Variants in KHDRBS2 observed in about 807,000 individuals in gnomAD.
KHDRBS2 encodes KH RNA binding domain containing, signal transduction associated 2, also known as KH domain-containing, RNA-binding, signal transduction-associated protein 2.
In KHDRBS2, 26 loss-of-function variants were observed where a neutral mutation model predicts 44.3. The observed-to-expected ratio is 0.59, with a 90% CI of 0.43 to 0.81. The LOEUF is 0.81. KHDRBS2 is among the 40% of genes least tolerant of loss of function. KHDRBS2 has a pLI of 0.00. For synonymous variants in KHDRBS2, 194 were observed against 151.1 expected (o/e 1.28, Z -2.08); for missense variants, 476 against 433.1 (o/e 1.10, Z -0.88).
At chr6:61,773,467 T>G (rs1224495491) in intron 6 of KHDRBS2, among the ~76,000 whole-genome samples, 1 of 152,194 alleles carries the variant, frequency 6.6e-6, no homozygotes, top group Non-Finnish European at 1.5e-5. Flanking sequence ...TTCATATCCT[T>G]TGCCCACTTT....
intron 7 of KHDRBS2, among the ~76,000 whole-genome samples, chr6:61,720,933 T>A (rs570609881): frequency 5.9e-5 from 9 of 151,278 alleles, no homozygotes; most frequent in Admixed American, 2.0e-4. Flanking sequence ...AAGTCTTTAA[T>A]CCATCTTGAA....
chr6:61,676,806 G>C (rs1765971867), downstream of KHDRBS2, among the ~76,000 whole-genome samples: 1 of 151,740 alleles, frequency 6.6e-6, no homozygotes, highest in African/African-American at 2.4e-5. Flanking sequence ...GTGACACAGT[G>C]TATAGAACCC....
intron 6 of KHDRBS2, among the ~76,000 whole-genome samples, chr6:61,830,993 T>C (rs1791705141): frequency 6.6e-6 from 1 of 152,164 alleles, no homozygotes; most frequent in South Asian, 2.1e-4. Context: ...TCAGGTATAT[T>C]AAGATATAAA....
At chr6:61,773,990 T>C (rs1781484268) in intron 6 of KHDRBS2, among the ~76,000 whole-genome samples, 1 of 152,188 alleles carries the variant, frequency 6.6e-6, no homozygotes, top group Admixed American at 6.5e-5. Context: ...TCTGTTCTGT[T>C]CCATTGATCT....
the KHDRBS2 span, among the ~76,000 whole-genome samples, chr6:61,598,837 C>CTTTTTTT: frequency 4.6e-4 from 30 of 65,498 alleles, no homozygotes; most frequent in Non-Finnish European, 8.9e-4. Flanking sequence ...TTTTTCTTTT[C>CTTTTTTT]TTTTTTTTTT....
At chr6:62,092,118 G>GTTT (rs904715831) in intron 2 of KHDRBS2, among the ~76,000 whole-genome samples, 1 of 146,110 alleles carries the variant, frequency 6.8e-6, no homozygotes. Context: ...GATGTCTCCA[G>GTTT]TTTTTTTTTT....
chr6:61,619,950 A>G, the KHDRBS2 span, among the ~76,000 whole-genome samples: 1 of 152,198 alleles, frequency 6.6e-6, no homozygotes, highest in Non-Finnish European at 1.5e-5. Flanking sequence ...GTTATTATGC[A>G]TTAAGACCTT....
At chr6:62,045,468 C>T (rs1162111441) in intron 3 of KHDRBS2, among the ~76,000 whole-genome samples, 1 of 151,946 alleles carries the variant, frequency 6.6e-6, no homozygotes, top group East Asian at 1.9e-4. Flanking sequence ...ACCTCTTTTC[C>T]CTGCTTCTGT....
intron 4 of KHDRBS2, among the ~76,000 whole-genome samples, chr6:61,953,184 G>A (rs1765130141): frequency 6.6e-6 from 1 of 151,802 alleles, no homozygotes; most frequent in South Asian, 2.1e-4. Flanking sequence ...TAGGTAACTG[G>A]AGATTTATAA....
At chr6:62,082,647 G>A (rs1306695723) in intron 2 of KHDRBS2, among the ~76,000 whole-genome samples, 1 of 152,136 alleles carries the variant, frequency 6.6e-6, no homozygotes, top group African/African-American at 2.4e-5. Flanking sequence ...TTGGGACAGA[G>A]AACCTCTCTT....
chr6:62,257,833 AG>A (rs1837651674), intron 1 of KHDRBS2, among the ~76,000 whole-genome samples: 1 of 151,950 alleles, frequency 6.6e-6, no homozygotes, highest in Non-Finnish European at 1.5e-5. Context: ...TTTTTTCCCC[AG>A]AAGCATAAAC....
At chr6:61,939,636 T>C (rs1163998158) in intron 4 of KHDRBS2, among the ~76,000 whole-genome samples, 2 of 152,216 alleles carry the variant, frequency 1.3e-5, no homozygotes, top group Non-Finnish European at 2.9e-5. Flanking sequence ...GACCGTAAAT[T>C]ATCCTCCTTA....
At chr6:61,549,106 G>A in the KHDRBS2 span, among the ~76,000 whole-genome samples, 1 of 152,026 alleles carries the variant, frequency 6.6e-6, no homozygotes, top group African/African-American at 2.4e-5. Context: ...AATGACCTTA[G>A]GATTGTCAAG....
chr6:61,892,367 C>T (rs1802010872), intron 6 of KHDRBS2, among the ~76,000 whole-genome samples: 1 of 152,164 alleles, frequency 6.6e-6, no homozygotes, highest in African/African-American at 2.4e-5. Context: ...CATCAAGCTA[C>T]CAATGACTTT....
chr6:62,162,803 A>T (rs1006615868), intron 2 of KHDRBS2, among the ~76,000 whole-genome samples: 2 of 152,050 alleles, frequency 1.3e-5, no homozygotes, highest in African/African-American at 4.8e-5. Flanking sequence ...CACATTGGAT[A>T]GAATGTGCAG....
chr6:62,106,840 A>G (rs1455485983), intron 2 of KHDRBS2, among the ~76,000 whole-genome samples: 1 of 151,996 alleles, frequency 6.6e-6, no homozygotes, highest in African/African-American at 2.4e-5. Context: ...AAAGACAAAA[A>G]CCACATGATT....
At chr6:62,105,814 T>G (rs1803099433) in intron 2 of KHDRBS2, among the ~76,000 whole-genome samples, 1 of 152,190 alleles carries the variant, frequency 6.6e-6, no homozygotes, top group Non-Finnish European at 1.5e-5. Context: ...TTTTGCCTTC[T>G]GCTAGCTTTT....
At chr6:61,652,844 T>C in the KHDRBS2 span, among the ~76,000 whole-genome samples, 1 of 151,974 alleles carries the variant, frequency 6.6e-6, no homozygotes, top group Non-Finnish European at 1.5e-5. Flanking sequence ...CCAGCACAGA[T>C]TGGTAAAATC....
chr6:62,081,052 C>T lies in KHDRBS2; in HGVS notation c.220-33058G>A, dbSNP rs190872751. ...ATACTGACCATACGTTATAGATATC[C>T]TCTTCATTAAATTCTTGTAAATCAC... On this transcript the variant is annotated intron_variant, in intron 2 of 8. Coordinates refer to ENST00000281156, the MANE Select transcript of KHDRBS2 (RefSeq NM_152688.4). 5.9e-5 allele frequency among the ~76,000 whole-genome samples: 9 copies of T among 152,186 alleles called. No individual in the cohort carries two copies. The East Asian group carries it at 1.7e-3, about 29-fold the overall frequency.
Sources: allele counts gnomAD v4.1 joint callset (sites outside exome capture counted in the v4.1 genomes callset), GRCh38; gene constraint gnomAD v4.1.1; transcripts MANE v1.5; gene names NCBI Gene and HGNC (gene_info 2026-07-23, HGNC 2026-07-21).